MRPS9: variants seen among roughly 807,000 people sequenced by gnomAD.
MRPS9 encodes small ribosomal subunit protein uS9m.
A neutral mutation model predicts 59.9 loss-of-function variants in MRPS9; 45 were observed. The observed-to-expected ratio is 0.75, with a 90% CI of 0.59 to 0.96. The LOEUF is 0.96. Ranked by LOEUF, MRPS9 falls within the 40% of genes least tolerant of loss-of-function variation. The pLI, the probability that MRPS9 is intolerant of heterozygous loss-of-function variation, is 0.00. For synonymous variants in MRPS9, 171 were observed against 166.8 expected, an observed-to-expected ratio of 1.03 and a Z score of -0.19; for missense variants, 473 against 481.1, an observed-to-expected ratio of 0.98 and a Z score of 0.16.
At position 105,049,269 on chromosome 2, in the gene MRPS9, T is replaced by C. The variant is rs1679665028; in HGVS notation, c.234T>C (p.Ile78=). 6.2e-7 allele frequency: 1 copy of C among 1,613,084 alleles called. No individual in the cohort carries two copies. ...TYTEDFIKKQ[I]EEFNIGKRHL... The stretch of plus-strand genomic sequence containing the variant: ...CAGAGGATTTTATTAAAAAGCAGAT[T>C]GAAGAGTTCAACATAGGAAAGAGAC... The change falls in exon 2 of 11, where the codon ATT becomes ATC. Residue 78 remains isoleucine, a synonymous_variant. Transcript: ENST00000258455.
intron 2 of MRPS9, among the ~76,000 whole-genome samples, chr2:105,058,731 G>A (rs1346812886): frequency 1.1e-5 from 1 of 90,106 alleles, no homozygotes; most frequent in African/African-American, 4.2e-5. Context: ...GCAACAGATC[G>A]TGCAGTGGCA....
In MRPS9 at chr2:105,071,316, G is replaced by A. The variant is rs1011761196; in HGVS notation, c.319G>A (p.Ala107Thr). ...TAACCTTTGTGTATATTTTCAGAGA[G>A]CTATTGCTTACCTTTTCCCAAGTGG... The part of the protein sequence containing the change: ...ETFTQEDIDR[A>T]IAYLFPSGLF... The change falls in exon 3 of 11, where the codon GCT (alanine) becomes ACT (threonine). Residue 107 changes from alanine to threonine, a missense_variant. Physicochemically the swap from Ala to Thr is moderately conservative, Grantham distance 58 (BLOSUM62 0). Transcript: ENST00000258455. 1.2e-6 allele frequency: 2 copies of A among 1,609,542 alleles called. No homozygotes were observed. The highest frequency in any genetic ancestry group is 4.5e-5 in the East Asian group (2 of 44,782).
chr2:105,098,687 G>A (rs1044072565), intron 10 of MRPS9: 3 of 152,162 alleles, frequency 2.0e-5, no homozygotes, highest in African/African-American at 7.2e-5. Context: ...ACAAGCAAGT[G>A]TAAATGTTAT....
chr2:105,056,364 ATGTT>A (rs1201365731), intron 2 of MRPS9, among the ~76,000 whole-genome samples: 2 of 152,122 alleles, frequency 1.3e-5, no homozygotes, highest in East Asian at 3.9e-4. Context: ...CCTTTTTAGT[ATGTT>A]TGTTAGCCCC....
At chr2:105,075,040 A>G (rs1680181276) in intron 4 of MRPS9, among the ~76,000 whole-genome samples, 1 of 152,198 alleles carries the variant, frequency 6.6e-6, no homozygotes, top group Non-Finnish European at 1.5e-5. Context: ...ACATTGTCCC[A>G]TGTGGTGTTG....
intron 4 of MRPS9, among the ~76,000 whole-genome samples, chr2:105,079,603 C>T (rs1169292485): frequency 6.6e-6 from 1 of 152,058 alleles, no homozygotes; most frequent in Non-Finnish European, 1.5e-5. Context: ...CATTTTTTTA[C>T]TTTATCAGTT....
intron 10 of MRPS9, 85 bp downstream of exon 10, chr2:105,097,409 T>A: frequency 8.1e-7 from 1 of 1,231,974 alleles, no homozygotes; most frequent in Non-Finnish European, 1.1e-6. Flanking sequence ...CTGAAGTTCG[T>A]AAGAAAATAT....
chr2:105,052,725 C>T (rs557630256), intron 2 of MRPS9, among the ~76,000 whole-genome samples: 7 of 152,166 alleles, frequency 4.6e-5, no homozygotes, highest in Admixed American at 2.6e-4. Flanking sequence ...TTGAATTCAC[C>T]AGTGAAGCCA....
intron 7 of MRPS9, 99 bp downstream of exon 7, chr2:105,090,094 G>A: frequency 1.8e-6 from 1 of 559,088 alleles, no homozygotes. Context: ...TCAGAGGCAG[G>A]TGTTCCTACG....
chr2:105,084,943 T>A (rs1184876091), intron 5 of MRPS9, among the ~76,000 whole-genome samples: 2 of 152,190 alleles, frequency 1.3e-5, no homozygotes, highest in Admixed American at 6.5e-5. Context: ...TTAATTAGAT[T>A]ACCTCTTTGT....
chr2:105,049,059 A>G lies in MRPS9; in HGVS notation c.136-112A>G, dbSNP rs554170465. The G allele has an allele frequency of 1.6e-5, 12 of 729,114 alleles. No homozygotes were observed. The African/African-American group carries it at 1.8e-4, about 11-fold the overall frequency. The allele number at this position is 729,114 out of a possible 1,614,324, so 45.2% of individuals were successfully genotyped here. A position where few individuals can be genotyped will look rare whatever the true frequency, so the allele number is the denominator to read the frequency against. Reference sequence around the variant, plus strand: ...CTTTTTGGACTCCTGTCACTTGAATACCGTAATAAAAAAAGATAACTACTT... The same window carrying G: ...CTTTTTGGACTCCTGTCACTTGAATGCCGTAATAAAAAAAGATAACTACTT... On this transcript the variant is annotated intron_variant, in intron 1 of 10. Transcript: ENST00000258455.
At chr2:105,094,465 C>G (rs959151640) in intron 9 of MRPS9, among the ~76,000 whole-genome samples, 1 of 152,136 alleles carries the variant, frequency 6.6e-6, no homozygotes, top group Admixed American at 6.5e-5. Context: ...TCCTCCTTTC[C>G]TAATCCTTCT....
chr2:105,069,336 T>C (rs1558756627), intron 2 of MRPS9, among the ~76,000 whole-genome samples: 1 of 150,982 alleles, frequency 6.6e-6, no homozygotes, highest in Non-Finnish European at 1.5e-5. Flanking sequence ...TGCCTCAGCC[T>C]CCCAAGTAGC....
intron 2 of MRPS9, among the ~76,000 whole-genome samples, chr2:105,049,749 G>C (rs1354929798): frequency 1.3e-5 from 2 of 152,102 alleles, no homozygotes; most frequent in African/African-American, 4.8e-5. Flanking sequence ...TTTCAAAATG[G>C]GGGCGTAGTC....
At position 105,047,130 on chromosome 2, in the gene MRPS9, A is replaced by G. The variant is rs776919406; in HGVS notation, c.136-2041A>G. Reference sequence around the variant, plus strand: ...GGCTGTGTCTATAAAAGAGCGGACCATGCATTAGCCAGTTGTGGTCATGCT... The same window carrying G: ...GGCTGTGTCTATAAAAGAGCGGACCGTGCATTAGCCAGTTGTGGTCATGCT... On this transcript the variant is annotated intron_variant, in intron 1 of 10. Transcript: ENST00000258455. Among the ~76,000 whole-genome samples the G allele has an allele frequency of 1.6e-4, 25 of 152,150 alleles. 1 individual carries two copies. The highest frequency in any genetic ancestry group is 1.6e-4 in the Non-Finnish European group (11 of 67,938).
Position 105,038,127 on chromosome 2 carries a change from T to C in MRPS9, c.35T>C (p.Val12Ala), listed in dbSNP as rs772334305. ...AAPCVSYGGA[V>A]SYRLLLWGRG... Reference sequence around the variant, plus strand: ...CCCTGTGTGTCCTACGGCGGAGCAGTTTCGTACCGGCTTCTTCTCTGGGGT... The same window carrying C: ...CCCTGTGTGTCCTACGGCGGAGCAGCTTCGTACCGGCTTCTTCTCTGGGGT... The change falls in exon 1 of 11, where the codon GTT becomes GCT. Residue 12 changes from valine to alanine, a missense_variant. Physicochemically the swap from Val to Ala is moderately conservative, Grantham distance 64. Transcript: ENST00000258455. 1.2e-6 allele frequency: 2 copies of C among 1,613,638 alleles called. No individual in the cohort carries two copies. The highest frequency in any genetic ancestry group is 1.3e-5 in the African/African-American group (1 of 74,930).
chr2:105,067,998 T>C (rs1680036503), intron 2 of MRPS9, among the ~76,000 whole-genome samples: 1 of 148,270 alleles, frequency 6.7e-6, no homozygotes. Context: ...TCTTAAAAAT[T>C]TTTTTTGTAG....
intron 2 of MRPS9, among the ~76,000 whole-genome samples, chr2:105,063,416 T>G (rs927019696): frequency 1.3e-5 from 2 of 152,222 alleles, no homozygotes; most frequent in African/African-American, 4.8e-5. Context: ...TTGAGAAATA[T>G]CAAAACACTC....
intron 1 of MRPS9, among the ~76,000 whole-genome samples, chr2:105,048,510 T>A (rs896791303): frequency 2.6e-5 from 4 of 151,868 alleles, no homozygotes; most frequent in Non-Finnish European, 5.9e-5. Flanking sequence ...AATAATAATT[T>A]TAAAAAAAAG....
Sources: allele counts gnomAD v4.1 joint callset (sites outside exome capture counted in the v4.1 genomes callset), GRCh38; gene constraint gnomAD v4.1.1; transcripts MANE v1.5; gene names NCBI Gene and HGNC (gene_info 2026-07-23, HGNC 2026-07-21).